Variants in GRIN2A observed in about 807,000 individuals in gnomAD.
The protein encoded by GRIN2A is glutamate ionotropic receptor NMDA type subunit 2A.
In GRIN2A, 22 loss-of-function variants were observed where a neutral mutation model predicts 113.4. The ratio of observed to expected loss-of-function variants is 0.19; its 90% CI spans 0.14 to 0.28. The LOEUF is 0.28. Among genes scored for constraint, GRIN2A ranks in the 10% least tolerant of loss-of-function variants. The probability of loss-of-function intolerance (pLI) is 1.00; values close to 1 mark genes in which losing one functional copy is unlikely to be tolerated. For missense variants in GRIN2A, 1,502 were observed against 1,887.0 expected (o/e 0.80, Z 3.78); for synonymous variants, 827 against 738.4 (o/e 1.12, Z -1.94).
intron 2 of GRIN2A, among the ~76,000 whole-genome samples, chr16:10,041,071 G>C (rs1172197141): frequency 6.6e-6 from 1 of 152,250 alleles, no homozygotes; most frequent in Non-Finnish European, 1.5e-5. Context: ...TGAGTGGGTA[G>C]AGTGCCAGAT....
intron 4 of GRIN2A, among the ~76,000 whole-genome samples, chr16:9,859,196 C>A (rs1222866169): frequency 3.4e-4 from 52 of 152,134 alleles, no homozygotes; most frequent in Admixed American, 3.4e-3. Flanking sequence ...CACACTAACA[C>A]ACACACACAT....
intron 2 of GRIN2A, among the ~76,000 whole-genome samples, chr16:9,970,376 C>G (rs2045646974): frequency 6.6e-6 from 1 of 152,158 alleles, no homozygotes; most frequent in Non-Finnish European, 1.5e-5. Flanking sequence ...GCATTGCCCA[C>G]TAGAGAGACT....
intron 2 of GRIN2A, among the ~76,000 whole-genome samples, chr16:9,963,431 T>C (rs1454379205): frequency 6.6e-6 from 1 of 151,946 alleles, no homozygotes; most frequent in East Asian, 2.0e-4. Flanking sequence ...CTCCCTCCTC[T>C]TGCCCCCCAC....
In GRIN2A at chr16:9,762,132, A is replaced by C. The variant is rs1323278197; in HGVS notation, c.*1017T>G. On this transcript the variant is annotated 3_prime_UTR_variant, in exon 13 of 13. Transcript: ENST00000330684. The stretch of plus-strand genomic sequence containing the variant: ...TGTTGGTGCATGTCACCACATTAAC[A>C]ACTCTGGGAAGAGCGATACACAGCT... The C allele has an allele frequency of 4.7e-6, 1 of 213,228 alleles. No homozygotes were observed. Among genetic ancestry groups the C allele is most frequent in the African/African-American group, 2.3e-5 (1 of 44,338 alleles). The allele number at this position is 213,228 out of a possible 1,614,324, so 13.2% of individuals were successfully genotyped here.
chr16:9,964,892 C>A (rs2045520677), intron 2 of GRIN2A, among the ~76,000 whole-genome samples: 1 of 152,222 alleles, frequency 6.6e-6, no homozygotes, highest in South Asian at 2.1e-4. Context: ...AGCCATTATT[C>A]TTCCTATCAC....
intron 2 of GRIN2A, chr16:10,111,990 T>TGGCA: frequency 1.5e-6 from 1 of 657,316 alleles, no homozygotes; most frequent in Non-Finnish European, 2.7e-6. Flanking sequence ...TCCTTCAGCC[T>TGGCA]AGCAAGGGAA....
intron 2 of GRIN2A, among the ~76,000 whole-genome samples, chr16:10,106,819 G>A (rs1394319421): frequency 6.6e-6 from 1 of 152,192 alleles, no homozygotes; most frequent in South Asian, 2.1e-4. Context: ...GACATGGAGG[G>A]ATTCATGAAG....
In GRIN2A at chr16:9,938,000, C is replaced by T. The variant is rs1279417148; in HGVS notation, c.966G>A (p.Gly322=). 1.9e-6 allele frequency: 3 copies of T among 1,614,070 alleles called. No homozygotes were observed. Among genetic ancestry groups the T allele is most frequent in the Non-Finnish European group, 1.7e-6 (2 of 1,179,968 alleles). ...TCGGGACCTCTGGCCTCTCCATCTGCCCGTAGCAGCTGGCCTTGGCCTCGG... is the reference window on the plus strand; with the variant it reads ...TCGGGACCTCTGGCCTCTCCATCTGTCCGTAGCAGCTGGCCTTGGCCTCGG... ...YIPEAKASCY[G]QMERPEVPMH... is the part of the protein sequence containing the mutation. Residue 322 remains glycine, a synonymous_variant, in exon 3 of 13, where the codon GGG becomes GGA. Coordinates refer to ENST00000330684, the MANE Select transcript of GRIN2A (RefSeq NM_001134407.3).
In GRIN2A at chr16:9,938,235, C is replaced by T. The variant is rs201674066; in HGVS notation, c.731G>A (p.Arg244His). ...DEAVLILSEA[R>H]SLGLTGYDFF... ...ATCATACCCGGTGAGGCCAAGGGAG[C>T]GGGCCTCACTCAGAATGAGAACAGC... is the stretch of plus-strand genomic sequence containing the variant. The change falls in exon 3 of 13, where the codon CGC becomes CAC. Residue 244 changes from arginine to histidine, a missense_variant. Around this residue, in one of 7 missense-constraint regions of GRIN2A, gnomAD observed 334 missense variants for 403.0 expected, o/e 0.83. Transcript: ENST00000330684. 11 of 1,613,128 alleles carry T rather than the reference C, an allele frequency of 6.8e-6. No individual in the cohort carries two copies. The highest frequency in any genetic ancestry group is 1.7e-5 in the Admixed American group (1 of 60,020).
intron 10 of GRIN2A, among the ~76,000 whole-genome samples, chr16:9,813,883 G>A (rs1567317721): frequency 6.6e-6 from 1 of 152,148 alleles, no homozygotes; most frequent in African/African-American, 2.4e-5. Flanking sequence ...ACAGCTCACT[G>A]AACCCTGATG....
At chr16:10,075,888 A>G (rs1410874138) in intron 2 of GRIN2A, among the ~76,000 whole-genome samples, 1 of 152,188 alleles carries the variant, frequency 6.6e-6, no homozygotes, top group Admixed American at 6.5e-5. Context: ...ATAAAATCCT[A>G]CAACTAGTGT....
intron 10 of GRIN2A, chr16:9,805,528 A>C (rs1055435996): frequency 6.6e-6 from 1 of 152,226 alleles, no homozygotes; most frequent in Non-Finnish European, 1.5e-5. Flanking sequence ...ACTTGAGGTC[A>C]GTTGGCATGT....
At chr16:9,870,224 G>A (rs1179354468) in intron 4 of GRIN2A, among the ~76,000 whole-genome samples, 5 of 152,172 alleles carry the variant, frequency 3.3e-5, no homozygotes, top group Admixed American at 3.3e-4. Context: ...TTGCTAGTTT[G>A]AGGTTCTGCA....
At chr16:10,113,583 T>C (rs989961856) in intron 2 of GRIN2A, among the ~76,000 whole-genome samples, 1 of 152,204 alleles carries the variant, frequency 6.6e-6, no homozygotes, top group Non-Finnish European at 1.5e-5. Context: ...ATAATCAGAA[T>C]AAATAAAAAT....
chr16:10,108,607 G>A (rs762287078), intron 2 of GRIN2A, among the ~76,000 whole-genome samples: 17 of 152,174 alleles, frequency 1.1e-4, no homozygotes, highest in East Asian at 1.9e-4. Flanking sequence ...ACGGTTACAC[G>A]TGTTCAGGGT....
At chr16:9,912,855 T>G (rs977561778) in intron 3 of GRIN2A, among the ~76,000 whole-genome samples, 2 of 152,240 alleles carry the variant, frequency 1.3e-5, no homozygotes, top group African/African-American at 4.8e-5. Flanking sequence ...AAGGCAGTAA[T>G]AGCTGTGCTG....
chr16:10,139,677 T>A (rs1285104391), intron 2 of GRIN2A, among the ~76,000 whole-genome samples: 1 of 152,130 alleles, frequency 6.6e-6, no homozygotes, highest in Non-Finnish European at 1.5e-5. Context: ...CCAAACATAC[T>A]GAATCAAAGT....
intron 2 of GRIN2A, among the ~76,000 whole-genome samples, chr16:10,011,002 C>A (rs1199473375): frequency 1.3e-5 from 2 of 152,132 alleles, no homozygotes; most frequent in Admixed American, 1.3e-4. Flanking sequence ...GTTCTATATC[C>A]CAGTCCAACT....
At chr16:9,773,703 TG>T (rs1452703194) in intron 11 of GRIN2A, among the ~76,000 whole-genome samples, 2 of 152,196 alleles carry the variant, frequency 1.3e-5, no homozygotes, top group Non-Finnish European at 2.9e-5. Context: ...CATGCACATT[TG>T]CAGAACTTCT....
Sources: gnomAD v4.1 joint callset for allele counts (sites outside exome capture counted in the v4.1 genomes callset) on GRCh38, gnomAD v4.1.1 for gene constraint, gnomAD v4.1.1 regional missense constraint, MANE v1.5 for transcripts, NCBI Gene and HGNC (gene_info 2026-07-23, HGNC 2026-07-21) for gene names.